Variants in MYO1F observed in about 807,000 individuals in gnomAD.
The protein encoded by MYO1F is unconventional myosin-If.
A neutral mutation model predicts 146.6 loss-of-function variants in MYO1F; 60 were observed. That is an observed-to-expected ratio of 0.41 (90% confidence interval 0.33 to 0.51). The LOEUF (loss-of-function observed/expected upper bound fraction) is 0.51, where lower values mean the gene tolerates loss of function less well. Ranked by LOEUF, MYO1F falls within the 20% of genes least tolerant of loss-of-function variation. The pLI, the probability that MYO1F is intolerant of heterozygous loss-of-function variation, is 0.25. For synonymous variants in MYO1F, 602 were observed against 602.1 expected (o/e 1.00, Z 0.00); for missense variants, 1,274 against 1,534.3 (o/e 0.83, Z 2.83).
rs1200496185 is a variant in MYO1F, at chr19:8,541,419, G to GTTTTT, written c.1610+486_1610+487insAAAAA. On this transcript the variant is annotated intron_variant, in intron 15 of 27. Coordinates refer to ENST00000644032, the MANE Select transcript of MYO1F (RefSeq NM_012335.4). ...CTATGTTCTTTGTGTGTGTGTGTGTGTGTGTGTTTTTTTTTTTTTTTTTTT... is the reference window on the plus strand; with the variant it reads ...CTATGTTCTTTGTGTGTGTGTGTGTGTTTTTTGTGTGTTTTTTTTTTTTTTTTTTT... 7.6e-4 allele frequency among the ~76,000 whole-genome samples: 102 copies of GTTTTT among 133,962 alleles called. 1 individual carries two copies. Among genetic ancestry groups the GTTTTT allele is most frequent in the African/African-American group, 2.9e-3 (99 of 34,570 alleles). 87.9% of individuals were successfully genotyped at this position (133,962 alleles called of 152,430 possible). A position where few individuals can be genotyped will look rare whatever the true frequency, so the allele number is the denominator to read the frequency against.
intron 1 of MYO1F, among the ~76,000 whole-genome samples, chr19:8,576,082 C>T (rs1021771871): frequency 5.3e-5 from 8 of 152,142 alleles, no homozygotes; most frequent in Admixed American, 1.3e-4. Flanking sequence ...CTGCACCCTC[C>T]GCCTCCTGGG....
intron 15 of MYO1F, 36 bp downstream of exon 15, chr19:8,541,870 T>C (rs1273550029): frequency 1.3e-6 from 2 of 1,578,764 alleles, no homozygotes; most frequent in Non-Finnish European, 1.7e-6. Flanking sequence ...CCTTGGGGGG[T>C]TGTAGCCGGA....
rs183635920 is a variant in MYO1F at position 8,524,169 on chromosome 19, C to A, written c.2854+1310G>T. On this transcript the variant is annotated intron_variant, in intron 25 of 27. Coordinates refer to ENST00000644032, the MANE Select transcript of MYO1F (RefSeq NM_012335.4). ...GGCGCGGTGGCTCACACCTGTAATC[C>A]CAGCAGTTTGGGAGGCCGAGGCGGG... 6.8e-5 allele frequency among the ~76,000 whole-genome samples: 10 copies of A among 146,708 alleles called. No homozygotes were observed. In the East Asian group the frequency reaches 2.0e-3, roughly 30 times the overall value.
intron 1 of MYO1F, chr19:8,576,602 G>A (rs117665505): frequency 0.013 from 2,084 of 156,140 alleles, 27 homozygotes; most frequent in South Asian, 0.028. Context: ...TGCTATCATC[G>A]ACAGACCTCA....
At chr19:8,553,890 A>ACTCT (rs750034709) in intron 4 of MYO1F, among the ~76,000 whole-genome samples, 33 of 57,918 alleles carry the variant, frequency 5.7e-4, no homozygotes, top group East Asian at 3.0e-3. Context: ...ACACACACAC[A>ACTCT]CACACTCTCT....
chr19:8,540,238 G>A (rs1972903371), intron 15 of MYO1F: 1 of 505,982 alleles, frequency 2.0e-6, no homozygotes, highest in Non-Finnish European at 3.5e-6. Context: ...GGGGCGCATT[G>A]GTGCGATGAT....
intron 1 of MYO1F, among the ~76,000 whole-genome samples, chr19:8,569,679 A>T: frequency 6.6e-6 from 1 of 151,980 alleles, no homozygotes; most frequent in Non-Finnish European, 1.5e-5. Flanking sequence ...GAGAGGTGAG[A>T]GGGCTTCCTG....
In MYO1F at chr19:8,555,734, C is replaced by T; in HGVS notation, c.66G>A (p.Met22Ile). 6.2e-7 allele frequency: 1 copy of T among 1,614,154 alleles called. No individual in the cohort carries two copies. Among genetic ancestry groups the T allele is most frequent in the Admixed American group, 1.7e-5 (1 of 60,008 alleles). Residue 22 changes from methionine (M) to isoleucine (I), a missense_variant, in exon 2 of 28, where the codon ATG (methionine) becomes ATA (isoleucine). Met to Ile is a conservative substitution (Grantham distance 10). Around this residue, in one of 2 missense-constraint regions of MYO1F, gnomAD observed 900 missense variants for 1,155.1 expected, o/e 0.78. Transcript: ENST00000644032. Reference sequence around the variant, plus strand: ...CTTCGGTGATCTGGGGAAGAAGCACCATGTCATCCACGCCGCTCTGCTTCA... The same window carrying T: ...CTTCGGTGATCTGGGGAAGAAGCACTATGTCATCCACGCCGCTCTGCTTCA... Reference protein sequence around the residue: ...HNVKQSGVDDMVLLPQITEDA... With the variant: ...HNVKQSGVDDIVLLPQITEDA...
intron 1 of MYO1F, among the ~76,000 whole-genome samples, chr19:8,561,384 C>CCCTTCTTT (rs1974102469): frequency 1.9e-5 from 2 of 105,464 alleles, no homozygotes; most frequent in South Asian, 4.0e-4. Context: ...CTCCCTTCCC[C>CCCTTCTTT]CCTTCTTTCC....
chr19:8,558,347 G>A (rs1973942166), intron 1 of MYO1F, among the ~76,000 whole-genome samples: 1 of 151,492 alleles, frequency 6.6e-6, no homozygotes, highest in South Asian at 2.1e-4. Context: ...AATTTTTTTT[G>A]TATTGATGGG....
At chr19:8,567,845 C>T (rs1356784970) in intron 1 of MYO1F, among the ~76,000 whole-genome samples, 3 of 152,164 alleles carry the variant, frequency 2.0e-5, no homozygotes, top group Non-Finnish European at 4.4e-5. Context: ...GAAGATGGGT[C>T]ATGTCTACAA....
At chr19:8,562,706 A>AT (rs1049261856) in intron 1 of MYO1F, among the ~76,000 whole-genome samples, 8 of 146,550 alleles carry the variant, frequency 5.5e-5, no homozygotes, top group Non-Finnish European at 6.0e-5. Context: ...AGCTACTTAA[A>AT]TTTTTTTTTT....
At chr19:8,568,958 C>T (rs1193377344) in intron 1 of MYO1F, among the ~76,000 whole-genome samples, 1 of 152,010 alleles carries the variant, frequency 6.6e-6, no homozygotes, top group Non-Finnish European at 1.5e-5. Flanking sequence ...CATAATGACC[C>T]TTGTGTGGGG....
At chr19:8,540,144 G>A (rs1332066624) in intron 15 of MYO1F, 116 bp from the exon 16 acceptor site, 21 of 761,276 alleles carry the variant, frequency 2.8e-5, no homozygotes, top group Non-Finnish European at 1.1e-5. Context: ...TCTCAATGTG[G>A]AGGGGAGCTG....
intron 1 of MYO1F, among the ~76,000 whole-genome samples, chr19:8,574,571 C>CTTTCTTTT (rs1183882084): frequency 1.1e-5 from 1 of 90,008 alleles, no homozygotes; most frequent in Admixed American, 1.0e-4. Flanking sequence ...TTCTTTCTTT[C>CTTTCTTTT]TTTCTTTCTC....
intron 1 of MYO1F, among the ~76,000 whole-genome samples, chr19:8,557,279 AAAAC>A (rs147140635): frequency 0.059 from 9,021 of 152,038 alleles, 881 homozygotes; most frequent in African/African-American, 0.2. Flanking sequence ...TGTCTCAAAA[AAAAC>A]AAACAACCAA....
At chr19:8,572,292 G>A (rs1226310536) in intron 1 of MYO1F, among the ~76,000 whole-genome samples, 3 of 151,684 alleles carry the variant, frequency 2.0e-5, no homozygotes, top group Non-Finnish European at 4.4e-5. Context: ...CTCTGAGACA[G>A]AGTCTCGCTC....
At chr19:8,526,663 G>T (rs1432154191) in intron 23 of MYO1F, 62 bp from the exon 24 acceptor site, 3 of 1,555,098 alleles carry the variant, frequency 1.9e-6, no homozygotes, top group East Asian at 2.4e-5. Context: ...CCCAACTCTC[G>T]CTGGTTGGGG....
intron 4 of MYO1F, among the ~76,000 whole-genome samples, chr19:8,553,890 A>ACTCTCTCTCTCTCTCTCTCT (rs750034709): frequency 1.7e-5 from 1 of 57,826 alleles, no homozygotes; most frequent in Non-Finnish European, 4.0e-5. Flanking sequence ...ACACACACAC[A>ACTCTCTCTCTCTCTCTCTCT]CACACTCTCT....
Sources: gnomAD v4.1 joint callset for allele counts (sites outside exome capture counted in the v4.1 genomes callset) on GRCh38, gnomAD v4.1.1 for gene constraint, gnomAD v4.1.1 regional missense constraint, MANE v1.5 for transcripts, NCBI Gene and HGNC (gene_info 2026-07-23, HGNC 2026-07-21) for gene names.